PRKCA: variants seen among roughly 807,000 people sequenced by gnomAD.
PRKCA encodes protein kinase C alpha type.
In PRKCA, 27 loss-of-function variants were observed where a neutral mutation model predicts 87.0. The ratio of observed to expected loss-of-function variants is 0.31; its 90% CI spans 0.23 to 0.43. PRKCA has a LOEUF of 0.43. Among genes scored for constraint, PRKCA ranks in the 20% least tolerant of loss-of-function variants. The probability of loss-of-function intolerance (pLI) is 1.00; values close to 1 mark genes in which losing one functional copy is unlikely to be tolerated. For synonymous variants in PRKCA, 329 were observed against 311.1 expected, an observed-to-expected ratio of 1.06 and a Z score of -0.61; for missense variants, 518 against 852.3, an observed-to-expected ratio of 0.61 and a Z score of 4.88.
intron 2 of PRKCA, among the ~76,000 whole-genome samples, chr17:66,381,523 G>A (rs775742456): frequency 7.2e-5 from 11 of 152,168 alleles, no homozygotes; most frequent in Non-Finnish European, 1.3e-4. Flanking sequence ...AAATTTGAGA[G>A]GAGGAGAAGG....
In PRKCA at chr17:66,633,971, T is replaced by C. The variant is rs149404256; in HGVS notation, c.289-7384T>C. 1.9e-3 allele frequency among the ~76,000 whole-genome samples: 283 copies of C among 152,304 alleles called. 1 individual carries two copies. Among genetic ancestry groups the C allele is most frequent in the African/African-American group, 6.5e-3 (270 of 41,554 alleles). ...TAGACACAAGAATGCATCTAGGAAA[T>C]GTGATGCCCGGTCAGCATCCGAATT... On this transcript the variant is annotated intron_variant, in intron 3 of 16. Coordinates refer to ENST00000413366, the MANE Select transcript of PRKCA (RefSeq NM_002737.3).
intron 15 of PRKCA, among the ~76,000 whole-genome samples, chr17:66,788,110 G>T (rs748794688): frequency 3.3e-5 from 5 of 152,214 alleles, no homozygotes; most frequent in Non-Finnish European, 7.3e-5. Flanking sequence ...GTTTTGAATG[G>T]TCAAGAGTTA....
At chr17:66,410,258 G>C (rs1244847212) in intron 2 of PRKCA, among the ~76,000 whole-genome samples, 1 of 151,566 alleles carries the variant, frequency 6.6e-6, no homozygotes, top group Admixed American at 6.6e-5. Context: ...ATTATTTGGG[G>C]ATGCTTTTTC....
chr17:66,778,125 A>G (rs1975105334), intron 14 of PRKCA: 2 of 985,384 alleles, frequency 2.0e-6, no homozygotes, highest in East Asian at 1.1e-4. Context: ...TAGTTCTGCA[A>G]ACTTTCTGGC....
chr17:66,363,658 G>A (rs1908526416), intron 2 of PRKCA, among the ~76,000 whole-genome samples: 2 of 152,266 alleles, frequency 1.3e-5, no homozygotes, highest in Admixed American at 6.5e-5. Flanking sequence ...TGCTAGCCAC[G>A]GGGTGGATAT....
intron 2 of PRKCA, among the ~76,000 whole-genome samples, chr17:66,316,522 T>A (rs1905327045): frequency 6.6e-6 from 1 of 152,174 alleles, no homozygotes; most frequent in African/African-American, 2.4e-5. Context: ...ATTTTTAAAT[T>A]TTTATTTATT....
At position 66,457,292 on chromosome 17, in the gene PRKCA, C is replaced by T. The variant is rs189379865; in HGVS notation, c.206-38909C>T. Among the ~76,000 whole-genome samples the T allele has an allele frequency of 2.8e-3, 425 of 152,050 alleles. 2 individuals carry two copies. Among genetic ancestry groups the T allele is most frequent in the African/African-American group, 9.9e-3 (409 of 41,458 alleles). On this transcript the variant is annotated intron_variant, in intron 2 of 16. Transcript: ENST00000413366. ...TACCTCTACTGAAGGTAGGAGCTAC[C>T]TTGGCATTTGGGGTGAAGAGATGTG...
At chr17:66,772,498 T>TAA (rs35329654) in intron 13 of PRKCA, among the ~76,000 whole-genome samples, 5 of 147,918 alleles carry the variant, frequency 3.4e-5, no homozygotes, top group African/African-American at 1.2e-4. Flanking sequence ...TCTGGGCCAT[T>TAA]AAAAAAAAAA....
intron 2 of PRKCA, among the ~76,000 whole-genome samples, chr17:66,327,636 G>A (rs77791368): frequency 0.014 from 2,164 of 152,146 alleles, 51 homozygotes; most frequent in African/African-American, 0.049. Flanking sequence ...TGTCTCCTTC[G>A]TCCACATGAC....
In PRKCA at chr17:66,809,294, C is replaced by G. The variant is rs1383894644; in HGVS notation, c.*5257C>G. ...ATGAAGGATTCTGACCCCTGTGCCT[C>G]CCATTTATGTGATCAGGTGACAGTT... On this transcript the variant is annotated 3_prime_UTR_variant, in exon 17 of 17. Coordinates refer to ENST00000413366, the MANE Select transcript of PRKCA (RefSeq NM_002737.3). 6.6e-6 allele frequency: 1 copy of G among 152,550 alleles called. No individual in the cohort carries two copies. Among genetic ancestry groups the G allele is most frequent in the Non-Finnish European group, 1.5e-5 (1 of 68,044 alleles). The allele number at this position is 152,550 out of a possible 1,614,324, so 9.4% of individuals were successfully genotyped here. A position where few individuals can be genotyped will look rare whatever the true frequency, so the allele number is the denominator to read the frequency against.
chr17:66,435,427 G>A (rs1913329197), intron 2 of PRKCA, among the ~76,000 whole-genome samples: 1 of 152,222 alleles, frequency 6.6e-6, no homozygotes, highest in East Asian at 1.9e-4. Context: ...TGTCGTGTGG[G>A]TGTGATGGTG....
intron 3 of PRKCA, among the ~76,000 whole-genome samples, chr17:66,625,656 T>G (rs1194069444): frequency 6.6e-6 from 1 of 152,208 alleles, no homozygotes; most frequent in Non-Finnish European, 1.5e-5. Flanking sequence ...TTGAGCTACT[T>G]GGAGAAAAAA....
intron 8 of PRKCA, among the ~76,000 whole-genome samples, chr17:66,713,818 T>G (rs1467050831): frequency 2.0e-5 from 3 of 152,164 alleles, no homozygotes; most frequent in Admixed American, 2.0e-4. Flanking sequence ...TGGTTTTCTC[T>G]GTTGACAGGC....
chr17:66,520,213 T>A (rs895982267), intron 3 of PRKCA, among the ~76,000 whole-genome samples: 6 of 151,078 alleles, frequency 4.0e-5, no homozygotes, highest in Non-Finnish European at 7.4e-5. Flanking sequence ...CGCAACCTCC[T>A]GGGTTCAAGC....
intron 8 of PRKCA, among the ~76,000 whole-genome samples, chr17:66,723,634 C>CA (rs565740561): frequency 0.1 from 13,386 of 130,752 alleles, 809 homozygotes; most frequent in East Asian, 0.32. Flanking sequence ...TCTCAAAAAA[C>CA]AAAAAAAAAA....
chr17:66,783,165 G>A (rs762953896), intron 14 of PRKCA, among the ~76,000 whole-genome samples: 2 of 152,148 alleles, frequency 1.3e-5, no homozygotes, highest in African/African-American at 2.4e-5. Context: ...GCTCTGTCAC[G>A]GGTGTTTGGT....
intron 1 of PRKCA, among the ~76,000 whole-genome samples, chr17:66,303,616 CAG>C (rs900724709): frequency 9.3e-5 from 14 of 150,460 alleles, no homozygotes; most frequent in Non-Finnish European, 1.2e-4. Context: ...TCTGAGTGAG[CAG>C]AGAGAGAGAG....
chr17:66,497,524 G>T (rs1174330874), intron 3 of PRKCA, among the ~76,000 whole-genome samples: 2 of 151,174 alleles, frequency 1.3e-5, no homozygotes, highest in Non-Finnish European at 2.9e-5. Flanking sequence ...CCACAAAGGA[G>T]TCACGGAAAA....
chr17:66,664,585 T>A (rs1431669259), intron 5 of PRKCA, among the ~76,000 whole-genome samples: 1 of 151,062 alleles, frequency 6.6e-6, no homozygotes, highest in Non-Finnish European at 1.5e-5. Flanking sequence ...AGATTCGTCA[T>A]CTCATGATGA....
Sources: allele counts gnomAD v4.1 joint callset (sites outside exome capture counted in the v4.1 genomes callset), GRCh38; gene constraint gnomAD v4.1.1; transcripts MANE v1.5; gene names NCBI Gene and HGNC (gene_info 2026-07-23, HGNC 2026-07-21).